Variants in SLC24A2 observed in about 807,000 individuals in gnomAD.
SLC24A2 encodes sodium/potassium/calcium exchanger 2.
A neutral mutation model predicts 62.0 loss-of-function variants in SLC24A2; 36 were observed. That is an observed-to-expected ratio of 0.58 (90% CI 0.44 to 0.77). The LOEUF is 0.77. Among genes scored for constraint, SLC24A2 ranks in the 30% least tolerant of loss-of-function variants. The probability of loss-of-function intolerance (pLI) is 0.00; values close to 1 mark genes in which losing one functional copy is unlikely to be tolerated. For synonymous variants in SLC24A2, 358 were observed against 294.0 expected, an observed-to-expected ratio of 1.22 and a Z score of -2.23; for missense variants, 846 against 817.9, an observed-to-expected ratio of 1.03 and a Z score of -0.42.
chr9:19,673,140 G>A (rs915910828), intron 2 of SLC24A2, among the ~76,000 whole-genome samples: 3 of 146,310 alleles, frequency 2.1e-5, no homozygotes, highest in African/African-American at 8.1e-5. Flanking sequence ...GAGTATTGAA[G>A]TCCTCCAATA....
At chr9:19,794,427 A>C in the SLC24A2 span, among the ~76,000 whole-genome samples, 4 of 152,140 alleles carry the variant, frequency 2.6e-5, no homozygotes, top group African/African-American at 4.8e-5. Context: ...CAAAGAAGGG[A>C]ACAATAAACA....
the SLC24A2 span, among the ~76,000 whole-genome samples, chr9:20,164,684 C>G: frequency 1.3e-5 from 2 of 151,800 alleles, no homozygotes; most frequent in African/African-American, 4.8e-5. Flanking sequence ...CACATGCACA[C>G]CTATGTTTAT....
At chr9:19,953,955 T>A in the SLC24A2 span, among the ~76,000 whole-genome samples, 1 of 151,816 alleles carries the variant, frequency 6.6e-6, no homozygotes, top group Non-Finnish European at 1.5e-5. Context: ...ATATTGAATA[T>A]CTCTACTTTT....
chr9:20,047,327 T>C, the SLC24A2 span, among the ~76,000 whole-genome samples: 1 of 152,122 alleles, frequency 6.6e-6, no homozygotes, highest in South Asian at 2.1e-4. Context: ...GGGAGGGTTA[T>C]AGGGTCTACT....
the SLC24A2 span, among the ~76,000 whole-genome samples, chr9:20,261,826 G>T: frequency 3.1e-5 from 4 of 128,638 alleles, no homozygotes; most frequent in African/African-American, 1.2e-4. Flanking sequence ...TGCAAGCTCT[G>T]CCTCCCAGAT....
chr9:19,720,375 T>C (rs1587215164), intron 2 of SLC24A2, among the ~76,000 whole-genome samples: 1 of 152,338 alleles, frequency 6.6e-6, no homozygotes, highest in East Asian at 1.9e-4. Flanking sequence ...TCTTAGAATC[T>C]ACAATAGTTT....
chr9:19,935,558 G>A, the SLC24A2 span, among the ~76,000 whole-genome samples: 2 of 152,180 alleles, frequency 1.3e-5, no homozygotes, highest in African/African-American at 4.8e-5. Context: ...CTGTCCTGGG[G>A]TGCAAGCTGA....
chr9:20,132,826 CA>C, the SLC24A2 span, among the ~76,000 whole-genome samples: 1 of 152,002 alleles, frequency 6.6e-6, no homozygotes, highest in Non-Finnish European at 1.5e-5. Context: ...TTAAAAATCT[CA>C]AAAAATATAG....
chr9:20,052,156 A>T, the SLC24A2 span, among the ~76,000 whole-genome samples: 1 of 152,202 alleles, frequency 6.6e-6, no homozygotes, highest in Non-Finnish European at 1.5e-5. Context: ...TTGCTTCATT[A>T]ACATTTCCAC....
intron 2 of SLC24A2, among the ~76,000 whole-genome samples, chr9:19,769,480 C>T (rs1300580427): frequency 6.6e-6 from 1 of 152,202 alleles, no homozygotes; most frequent in African/African-American, 2.4e-5. Flanking sequence ...CAGACTTTGT[C>T]AGTATTTCTT....
At chr9:20,258,460 A>T in the SLC24A2 span, among the ~76,000 whole-genome samples, 5 of 152,206 alleles carry the variant, frequency 3.3e-5, no homozygotes, top group Non-Finnish European at 7.3e-5. Context: ...GGTGGGTGCC[A>T]TCCAACAACT....
intron 2 of SLC24A2, among the ~76,000 whole-genome samples, chr9:19,745,316 C>G (rs549042306): frequency 6.6e-6 from 1 of 152,132 alleles, no homozygotes; most frequent in Non-Finnish European, 1.5e-5. Flanking sequence ...TACCCAGCCT[C>G]GGGTATTCCT....
the SLC24A2 span, among the ~76,000 whole-genome samples, chr9:20,119,639 C>T: frequency 1.3e-5 from 2 of 152,168 alleles, no homozygotes; most frequent in African/African-American, 4.8e-5. Context: ...AAAAAGCCTA[C>T]AGCTAATATC....
At chr9:19,953,216 T>C in the SLC24A2 span, among the ~76,000 whole-genome samples, 2 of 152,024 alleles carry the variant, frequency 1.3e-5, no homozygotes, top group African/African-American at 4.8e-5. Flanking sequence ...CCAAAGAATA[T>C]TTTTTCTGTT....
At chr9:20,253,558 C>G in the SLC24A2 span, among the ~76,000 whole-genome samples, 1 of 152,158 alleles carries the variant, frequency 6.6e-6, no homozygotes, top group African/African-American at 2.4e-5. Flanking sequence ...CTGGGATCAT[C>G]TTGAGATTTT....
intron 2 of SLC24A2, among the ~76,000 whole-genome samples, chr9:19,759,137 A>C (rs1822235537): frequency 6.6e-6 from 1 of 152,214 alleles, no homozygotes; most frequent in Non-Finnish European, 1.5e-5. Flanking sequence ...ACCTACAAAC[A>C]GCCACTTAGA....
chr9:20,237,418 C>T, the SLC24A2 span, among the ~76,000 whole-genome samples: 1 of 152,052 alleles, frequency 6.6e-6, no homozygotes, highest in Admixed American at 6.6e-5. Flanking sequence ...GTGTTGGGGC[C>T]CAGGTCTTTC....
At chr9:20,178,357 T>C in the SLC24A2 span, among the ~76,000 whole-genome samples, 3 of 152,152 alleles carry the variant, frequency 2.0e-5, no homozygotes, top group African/African-American at 4.8e-5. Flanking sequence ...CAGTGCAGTG[T>C]GCAAAGGGCT....
rs146701240 is a variant in SLC24A2, at chr9:19,543,032, T to G, written c.1479+7105A>C. ...AATGGTACCAGCTCCTCTTTGTACC[T>G]CTGGTAGAATTTGGCAGTGAATTCA... is the stretch of plus-strand genomic sequence containing the variant. On this transcript the variant is annotated intron_variant, in intron 8 of 10. Transcript: ENST00000341998. 9.3e-3 allele frequency among the ~76,000 whole-genome samples: 1,412 copies of G among 152,324 alleles called. 24 individuals are homozygous for G. The highest frequency in any genetic ancestry group is 0.031 in the African/African-American group (1,303 of 41,564).
Sources: allele counts gnomAD v4.1 joint callset (sites outside exome capture counted in the v4.1 genomes callset), GRCh38; gene constraint gnomAD v4.1.1; transcripts MANE v1.5; gene names NCBI Gene and HGNC (gene_info 2026-07-23, HGNC 2026-07-21).